Variants in PLEKHH1 observed in about 807,000 individuals in gnomAD.
The protein encoded by PLEKHH1 is pleckstrin homology domain-containing family H member 1.
PLEKHH1 carries 104 observed loss-of-function variants against 160.0 expected under a neutral mutation model. The ratio of observed to expected loss-of-function variants is 0.65; its 90% confidence interval spans 0.55 to 0.76. PLEKHH1 has a LOEUF of 0.76. Among genes scored for constraint, PLEKHH1 ranks in the 30% least tolerant of loss-of-function variants. PLEKHH1 has a pLI of 0.00. For synonymous variants in PLEKHH1, 619 were observed against 678.4 expected, an observed-to-expected ratio of 0.91 and a Z score of 1.36; for missense variants, 1,427 against 1,724.1, an observed-to-expected ratio of 0.83 and a Z score of 3.05.
intron 26 of PLEKHH1, among the ~76,000 whole-genome samples, chr14:67,584,627 T>C (rs1414580948): frequency 6.6e-6 from 1 of 152,230 alleles, no homozygotes. Context: ...AGCTGGGCAG[T>C]GATCCTGTTT....
intron 28 of PLEKHH1, chr14:67,586,513 A>T: frequency 1.2e-6 from 1 of 814,864 alleles, no homozygotes; most frequent in Non-Finnish European, 1.8e-6. Flanking sequence ...AAAGTGGGAC[A>T]GTCCCACAGT....
intron 2 of PLEKHH1, among the ~76,000 whole-genome samples, chr14:67,554,866 C>G (rs1011894944): frequency 3.9e-5 from 6 of 152,208 alleles, no homozygotes; most frequent in African/African-American, 7.2e-5. Flanking sequence ...CCATGCTCCT[C>G]AGCCTTGAGT....
rs1285936630 is a variant in PLEKHH1 at position 67,574,886 on chromosome 14, A to C, written c.2088+483A>C. ...GTTAACAAGGAAGTACATTAGCTAG[A>C]CCAGAACACCAGCAGGAACCAAAGC... On this transcript the variant is annotated intron_variant, in intron 14 of 28. Transcript: ENST00000329153. The surrounding 1 kb of genome is among the most constrained non-coding windows in gnomAD (Gnocchi z 4.2). Among the ~76,000 whole-genome samples the C allele has an allele frequency of 1.3e-5, 2 of 152,192 alleles. No individual in the cohort carries two copies. The highest frequency in any genetic ancestry group is 2.9e-5 in the Non-Finnish European group (2 of 68,030).
At position 67,573,896 on chromosome 14, in the gene PLEKHH1, G is replaced by A. The variant is rs374493058; in HGVS notation, c.1926+9G>A. 419 of 1,589,640 alleles carry A rather than the reference G, an allele frequency of 2.6e-4. No homozygotes were observed. In the Middle Eastern group the frequency reaches 6.0e-3, roughly 23 times the overall value. On this transcript the variant is annotated intron_variant, in intron 13 of 28. Coordinates refer to ENST00000329153, the MANE Select transcript of PLEKHH1 (RefSeq NM_020715.3). This position sits in a 1 kb window ranked among gnomAD's most constrained non-coding sequence, Gnocchi z 4.8. ...GTTCACAGACGTTTCAGGTGAGCAC[G>A]CTCCTGGCTGCTAGTATTTTAAACA...
rs1380798102 is a variant in PLEKHH1, at chr14:67,573,574, G to A, written c.1839+188G>A. On this transcript the variant is annotated intron_variant, in intron 12 of 28. Transcript: ENST00000329153. This position sits in a 1 kb window ranked among gnomAD's most constrained non-coding sequence, Gnocchi z 4.8. ...CACTTGGGGACCTAAGCCTGGCCGT[G>A]AGTTTCAGAATGAAATAGGGAGGTT... 1.3e-5 allele frequency among the ~76,000 whole-genome samples: 2 copies of A among 152,216 alleles called. No individual in the cohort carries two copies. Among genetic ancestry groups the A allele is most frequent in the African/African-American group, 4.8e-5 (2 of 41,458 alleles).
chr14:67,569,590 A>T (rs1017785314), intron 8 of PLEKHH1: 21 of 443,558 alleles, frequency 4.7e-5, no homozygotes, highest in Non-Finnish European at 7.4e-5. Flanking sequence ...CCAGCCACCA[A>T]ATCTCCACAA....
intron 26 of PLEKHH1, among the ~76,000 whole-genome samples, chr14:67,584,677 A>C (rs931115220): frequency 2.0e-5 from 3 of 152,226 alleles, no homozygotes; most frequent in Non-Finnish European, 4.4e-5. Flanking sequence ...TCATTCATTC[A>C]ACAAATAGTT....
At chr14:67,554,239 T>C (rs1319690655) in intron 2 of PLEKHH1, among the ~76,000 whole-genome samples, 1 of 152,112 alleles carries the variant, frequency 6.6e-6, no homozygotes, top group East Asian at 1.9e-4. Context: ...TGGGGGGTCC[T>C]GCTCATCTAC....
rs1019027662 is a variant in PLEKHH1, at chr14:67,587,359, G to A, written c.*124G>A. 1 of 1,126,068 alleles carries A rather than the reference G, an allele frequency of 8.9e-7. No individual in the cohort carries two copies. Among genetic ancestry groups the A allele is most frequent in the Non-Finnish European group, 1.3e-6 (1 of 745,678 alleles). 69.8% of individuals were successfully genotyped at this position (1,126,068 alleles called of 1,614,324 possible). ...CGGCTACTCTTGTTCTGTGAAATGT[G>A]TATTTTAGTCTCTGTGAAGCCTTTA... On this transcript the variant is annotated 3_prime_UTR_variant, in exon 29 of 29. Coordinates refer to ENST00000329153, the MANE Select transcript of PLEKHH1 (RefSeq NM_020715.3).
At chr14:67,551,339 G>C (rs1431822590) in intron 2 of PLEKHH1, among the ~76,000 whole-genome samples, 1 of 152,146 alleles carries the variant, frequency 6.6e-6, no homozygotes, top group Non-Finnish European at 1.5e-5. Flanking sequence ...TCTTTGTATA[G>C]GACAAAAGCC....
At position 67,582,792 on chromosome 14, in the gene PLEKHH1, A is replaced by C. The variant is rs193029410; in HGVS notation, c.3426+582A>C. 6.6e-4 allele frequency among the ~76,000 whole-genome samples: 100 copies of C among 152,334 alleles called. No individual in the cohort carries two copies. The highest frequency in any genetic ancestry group is 9.8e-4 in the Non-Finnish European group (67 of 68,028). On this transcript the variant is annotated intron_variant, in intron 24 of 28. Transcript: ENST00000329153. This position sits in a 1 kb window ranked among gnomAD's most constrained non-coding sequence, Gnocchi z 5.0. ...GCAGAGGTTGCAGTGAGCCAAGATCATGCCATTGCACTACAGCCTAGGCGA... is the reference window on the plus strand; with the variant it reads ...GCAGAGGTTGCAGTGAGCCAAGATCCTGCCATTGCACTACAGCCTAGGCGA...
intron 4 of PLEKHH1, 96 bp downstream of exon 4, chr14:67,557,514 C>A: frequency 8.7e-7 from 1 of 1,148,858 alleles, no homozygotes; most frequent in Non-Finnish European, 1.2e-6. Context: ...CCCTCTAGTG[C>A]TGGGGAACTC....
rs1566756858 is a variant in PLEKHH1, at chr14:67,576,655, C to G, written c.2461+152C>G. 6.6e-6 allele frequency among the ~76,000 whole-genome samples: 1 copy of G among 152,170 alleles called. No homozygotes were observed. The highest frequency in any genetic ancestry group is 1.9e-4 in the East Asian group (1 of 5,192). On this transcript the variant is annotated intron_variant, in intron 17 of 28. Coordinates refer to ENST00000329153, the MANE Select transcript of PLEKHH1 (RefSeq NM_020715.3). The surrounding 1 kb of genome is among the most constrained non-coding windows in gnomAD (Gnocchi z 4.0). ...AAGTTCCCATCCAAGCTCCAGGGCCCCTCTGTCTCCGGCTGAGATACTAAG... is the reference window on the plus strand; with the variant it reads ...AAGTTCCCATCCAAGCTCCAGGGCCGCTCTGTCTCCGGCTGAGATACTAAG...
chr14:67,571,002 A>G (rs1210444454), intron 9 of PLEKHH1: 4 of 152,182 alleles, frequency 2.6e-5, no homozygotes, highest in Admixed American at 2.6e-4. Flanking sequence ...GATTACAGGC[A>G]TGAGCCACCA....
At chr14:67,579,490 CA>C in intron 21 of PLEKHH1, 179 bp downstream of exon 21, 1 of 666,256 alleles carries the variant, frequency 1.5e-6, no homozygotes, top group South Asian at 2.3e-5. Flanking sequence ...AAAGGGCCTC[CA>C]AAAGATTGTT....
chr14:67,581,694 T>C, intron 23 of PLEKHH1: 2 of 198,504 alleles, frequency 1.0e-5, no homozygotes, highest in South Asian at 1.9e-4. Flanking sequence ...TTCTATCAAT[T>C]TGAGTAAGAA....
At chr14:67,584,755 T>C (rs1205919896) in intron 26 of PLEKHH1, among the ~76,000 whole-genome samples, 1 of 152,244 alleles carries the variant, frequency 6.6e-6, no homozygotes, top group Non-Finnish European at 1.5e-5. Context: ...ACACAGTCCT[T>C]GCCTTCCTGG....
intron 15 of PLEKHH1, 52 bp downstream of exon 15, chr14:67,575,524 A>G (rs2035585464): frequency 8.9e-6 from 10 of 1,127,086 alleles, no homozygotes; most frequent in Non-Finnish European, 1.1e-5. Flanking sequence ...CCCGAAGCAC[A>G]TGACTGCCAC....
rs2140483490 is a variant in PLEKHH1, at chr14:67,574,201, T to C, written c.1927-41T>C. The C allele has an allele frequency of 6.5e-7, 1 of 1,527,418 alleles. No individual in the cohort carries two copies. Among genetic ancestry groups the C allele is most frequent in the Non-Finnish European group, 8.8e-7 (1 of 1,134,466 alleles). The allele number at this position is 1,527,418 out of a possible 1,614,324, so 94.6% of individuals were successfully genotyped here. A position where few individuals can be genotyped will look rare whatever the true frequency, so the allele number is the denominator to read the frequency against. On this transcript the variant is annotated intron_variant, in intron 13 of 28. Transcript: ENST00000329153. The surrounding 1 kb of genome is among the most constrained non-coding windows in gnomAD (Gnocchi z 4.2). ...GAGCCAGGTCCTGGTTACTCCATTC[T>C]CCCAGCGTGCTGCCCCACCCCCATA...
Sources: allele counts gnomAD v4.1 joint callset (sites outside exome capture counted in the v4.1 genomes callset), GRCh38; gene constraint gnomAD v4.1.1; non-coding constraint Gnocchi (gnomAD v3.1); transcripts MANE v1.5; gene names NCBI Gene and HGNC (gene_info 2026-07-23, HGNC 2026-07-21).